The following CCSER1 variants were observed in gnomAD, a reference collection of about 807,000 sequenced individuals.
CCSER1 encodes the protein serine-rich coiled-coil domain-containing protein 1.
In CCSER1, 41 loss-of-function variants were observed where a neutral mutation model predicts 82.0. The observed-to-expected ratio is 0.50, with a 90% CI of 0.39 to 0.65. CCSER1 has a LOEUF of 0.65. CCSER1 is among the 30% of genes least tolerant of loss of function. The probability of loss-of-function intolerance (pLI) is 0.00; values close to 1 mark genes in which losing one functional copy is unlikely to be tolerated. For synonymous variants in CCSER1, 414 were observed against 383.9 expected (o/e 1.08, Z -0.92); for missense variants, 1,119 against 1,064.2 (o/e 1.05, Z -0.72).
At chr4:91,079,544 T>C (rs559861726) in intron 9 of CCSER1, among the ~76,000 whole-genome samples, 157 of 152,298 alleles carry the variant, frequency 1.0e-3, no homozygotes, top group Middle Eastern at 3.4e-3. Context: ...AACATCATAA[T>C]GACAGGATCA....
chr4:91,212,931 A>G (rs1002459322), intron 10 of CCSER1, among the ~76,000 whole-genome samples: 4 of 151,884 alleles, frequency 2.6e-5, no homozygotes, highest in Non-Finnish European at 5.9e-5. Context: ...TATTGTTGCT[A>G]TCTTTATGTC....
At chr4:90,275,576 C>G (rs1049893465) in intron 1 of CCSER1, among the ~76,000 whole-genome samples, 1 of 152,012 alleles carries the variant, frequency 6.6e-6, no homozygotes, top group Admixed American at 6.6e-5. Context: ...AACGTAGTGC[C>G]CCTTCGACAA....
chr4:91,357,126 A>G (rs1490554963), intron 10 of CCSER1, among the ~76,000 whole-genome samples: 1 of 152,206 alleles, frequency 6.6e-6, no homozygotes, highest in Non-Finnish European at 1.5e-5. Context: ...TTGATCCTCT[A>G]GTAAAATGAA....
intron 4 of CCSER1, among the ~76,000 whole-genome samples, chr4:90,430,686 A>G (rs1758148147): frequency 6.6e-6 from 1 of 151,720 alleles, no homozygotes; most frequent in African/African-American, 2.4e-5. Context: ...TTTTTTTTCT[A>G]ATAGGAAAAT....
chr4:90,325,245 C>T (rs1276519055), intron 3 of CCSER1, among the ~76,000 whole-genome samples: 1 of 152,092 alleles, frequency 6.6e-6, no homozygotes, highest in Admixed American at 6.5e-5. Flanking sequence ...TATAAATAGT[C>T]ATGTTGTAAC....
intron 1 of CCSER1, among the ~76,000 whole-genome samples, chr4:90,176,526 A>T (rs969294410): frequency 2.0e-5 from 3 of 152,144 alleles, no homozygotes; most frequent in African/African-American, 7.2e-5. Context: ...CAGAGAAAAG[A>T]ATCCCCTGTT....
intron 9 of CCSER1, among the ~76,000 whole-genome samples, chr4:91,038,004 G>A (rs1294537293): frequency 6.6e-6 from 1 of 151,846 alleles, no homozygotes; most frequent in East Asian, 1.9e-4. Flanking sequence ...GTAATTAAGA[G>A]ACCAAATGAA....
At chr4:90,417,560 TG>T (rs199923189) in intron 4 of CCSER1, among the ~76,000 whole-genome samples, 2,700 of 152,210 alleles carry the variant, frequency 0.018, 48 homozygotes, top group African/African-American at 0.036. Context: ...TATTTTATGT[TG>T]TTTTGGTTAT....
intron 10 of CCSER1, among the ~76,000 whole-genome samples, chr4:91,242,347 T>C (rs1469244977): frequency 6.6e-6 from 1 of 152,180 alleles, no homozygotes; most frequent in Non-Finnish European, 1.5e-5. Flanking sequence ...GTACAGGTTT[T>C]AGAGGCTTTA....
At chr4:91,030,868 G>T (rs770083743) in intron 9 of CCSER1, among the ~76,000 whole-genome samples, 1 of 151,932 alleles carries the variant, frequency 6.6e-6, no homozygotes, top group African/African-American at 2.4e-5. Flanking sequence ...CTACTTTAGG[G>T]TTTATGATCA....
chr4:91,595,240 G>T (rs1429854254), intron 10 of CCSER1, among the ~76,000 whole-genome samples: 3 of 152,216 alleles, frequency 2.0e-5, no homozygotes, highest in Admixed American at 6.5e-5. Flanking sequence ...TAATTGCACA[G>T]AATTTAATTT....
At chr4:91,532,134 T>G (rs1347568019) in intron 10 of CCSER1, among the ~76,000 whole-genome samples, 1 of 152,192 alleles carries the variant, frequency 6.6e-6, no homozygotes, top group East Asian at 1.9e-4. Flanking sequence ...AGTTGCCTAT[T>G]ATGCTGAAAT....
chr4:91,090,638 T>C (rs373679492), intron 10 of CCSER1, among the ~76,000 whole-genome samples: 15 of 152,320 alleles, frequency 9.8e-5, no homozygotes, highest in African/African-American at 1.4e-4. Context: ...AACTAATTCT[T>C]GGGCTTCCCA....
intron 10 of CCSER1, among the ~76,000 whole-genome samples, chr4:91,303,056 AT>A (rs1433325140): frequency 6.6e-6 from 1 of 152,000 alleles, no homozygotes; most frequent in Non-Finnish European, 1.5e-5. Context: ...ATAGCCATAA[AT>A]TTATCAATAA....
chr4:91,079,651 A>G (rs1039107318), intron 9 of CCSER1, among the ~76,000 whole-genome samples: 1 of 152,224 alleles, frequency 6.6e-6, no homozygotes, highest in Non-Finnish European at 1.5e-5. Context: ...AGGACCCATC[A>G]GTGTGCTGAA....
At chr4:90,408,812 C>T (rs1403016692) in intron 4 of CCSER1, among the ~76,000 whole-genome samples, 1 of 152,174 alleles carries the variant, frequency 6.6e-6, no homozygotes, top group Non-Finnish European at 1.5e-5. Context: ...GAGAAGAAGG[C>T]TTCAGAAGAT....
At chr4:91,349,480 T>G (rs1748320002) in intron 10 of CCSER1, among the ~76,000 whole-genome samples, 1 of 152,162 alleles carries the variant, frequency 6.6e-6, no homozygotes, top group African/African-American at 2.4e-5. Context: ...GGCCTCCTTC[T>G]GTTACTGAGC....
At chr4:91,004,024 G>C (rs1738282549) in intron 9 of CCSER1, among the ~76,000 whole-genome samples, 1 of 152,214 alleles carries the variant, frequency 6.6e-6, no homozygotes, top group Admixed American at 6.5e-5. Flanking sequence ...TTCAGGGGCA[G>C]ACAATTCCCC....
At chr4:91,246,878 A>AT (rs1739828183) in intron 10 of CCSER1, among the ~76,000 whole-genome samples, 1 of 151,748 alleles carries the variant, frequency 6.6e-6, no homozygotes. Context: ...TAAGCATATG[A>AT]AGAGACTCAA....
Sources: gnomAD v4.1 joint callset for allele counts (sites outside exome capture counted in the v4.1 genomes callset) on GRCh38, gnomAD v4.1.1 for gene constraint, MANE v1.5 for transcripts, NCBI Gene and HGNC (gene_info 2026-07-23, HGNC 2026-07-21) for gene names.